The following BRINP1 variants were observed in gnomAD, a reference collection of about 807,000 sequenced individuals.
The protein encoded by BRINP1 is BMP/retinoic acid-inducible neural-specific protein 1.
A neutral mutation model predicts 72.9 loss-of-function variants in BRINP1; 17 were observed. The ratio of observed to expected loss-of-function variants is 0.23; its 90% confidence interval spans 0.16 to 0.35. The LOEUF is 0.35. Ranked by LOEUF, BRINP1 falls within the 10% of genes least tolerant of loss-of-function variation. The probability of loss-of-function intolerance (pLI) is 1.00; values close to 1 mark genes in which losing one functional copy is unlikely to be tolerated. For synonymous variants in BRINP1, 418 were observed against 378.5 expected, an observed-to-expected ratio of 1.10 and a Z score of -1.21; for missense variants, 850 against 1,001.6, an observed-to-expected ratio of 0.85 and a Z score of 2.04.
At chr9:119,359,524 C>T (rs1212772779) in intron 1 of BRINP1, among the ~76,000 whole-genome samples, 1 of 152,144 alleles carries the variant, frequency 6.6e-6, no homozygotes, top group Non-Finnish European at 1.5e-5. Flanking sequence ...TCTTACAGTA[C>T]TCATTTTACA....
At chr9:119,271,249 G>T (rs1830602238) in intron 2 of BRINP1, among the ~76,000 whole-genome samples, 1 of 151,816 alleles carries the variant, frequency 6.6e-6, no homozygotes, top group South Asian at 2.1e-4. Flanking sequence ...GATGAGTACA[G>T]GGGGAAACGA....
rs188563966 is a variant in BRINP1, at chr9:119,359,563, G to T, written c.-51+9493C>A. 2.8e-4 allele frequency among the ~76,000 whole-genome samples: 43 copies of T among 152,298 alleles called. No homozygotes were observed. The East Asian group carries it at 3.9e-3, about 14-fold the overall frequency. On this transcript the variant is annotated intron_variant, in intron 1 of 7. Coordinates refer to ENST00000265922, the MANE Select transcript of BRINP1 (RefSeq NM_014618.3). ...AAGAAAACTGGCACAGAAACATCAG[G>T]TAATGTGTTCCACATCAAATAGCTA...
chr9:119,267,934 A>C (rs1300828968), intron 2 of BRINP1, among the ~76,000 whole-genome samples: 7 of 152,156 alleles, frequency 4.6e-5, no homozygotes, highest in Non-Finnish European at 4.4e-5. Context: ...ACGAGAGAGA[A>C]ATTGAGTAAA....
intron 5 of BRINP1, among the ~76,000 whole-genome samples, chr9:119,233,456 T>A (rs920376516): frequency 5.3e-5 from 8 of 152,194 alleles, no homozygotes; most frequent in Non-Finnish European, 7.3e-5. Flanking sequence ...CTCTGGCATA[T>A]GAGGAAGCAC....
rs1831330871 is a variant in BRINP1 at position 119,334,629 on chromosome 9, C to A, written c.-50-21224G>T. On this transcript the variant is annotated intron_variant, in intron 1 of 7. Transcript: ENST00000265922. The stretch of plus-strand genomic sequence containing the variant: ...GGCAAGACTTGGGGCAACTGATATC[C>A]CTAAATCTCTGGAACTTGGTCTCTG... 2.0e-5 allele frequency among the ~76,000 whole-genome samples: 3 copies of A among 152,132 alleles called. No individual in the cohort carries two copies. In the South Asian group the frequency reaches 6.2e-4, roughly 31 times the overall value.
chr9:119,218,301 T>C (rs1588167756), intron 5 of BRINP1, among the ~76,000 whole-genome samples: 1 of 148,608 alleles, frequency 6.7e-6, no homozygotes, highest in South Asian at 2.2e-4. Context: ...GCCTCCCGGG[T>C]TCAAGCGATT....
At chr9:119,184,379 A>G (rs1829593362) in intron 7 of BRINP1, among the ~76,000 whole-genome samples, 2 of 152,264 alleles carry the variant, frequency 1.3e-5, no homozygotes, top group South Asian at 2.1e-4. Context: ...AAATAGAAAG[A>G]AAGTTCCGAA....
At chr9:119,290,728 G>C (rs1830812972) in intron 2 of BRINP1, among the ~76,000 whole-genome samples, 1 of 152,164 alleles carries the variant, frequency 6.6e-6, no homozygotes, top group African/African-American at 2.4e-5. Context: ...ATCTGGAAGA[G>C]AATCCCATAT....
chr9:119,220,726 T>C (rs999228239), intron 5 of BRINP1, among the ~76,000 whole-genome samples: 1 of 152,312 alleles, frequency 6.6e-6, no homozygotes, highest in Admixed American at 6.5e-5. Flanking sequence ...ATTTCAAGTA[T>C]TGAATAAGTC....
intron 2 of BRINP1, among the ~76,000 whole-genome samples, chr9:119,274,755 T>G (rs2118955213): frequency 6.6e-6 from 1 of 152,268 alleles, no homozygotes; most frequent in East Asian, 1.9e-4. Flanking sequence ...ACAGAGAAGT[T>G]AGTGACATTA....
chr9:119,309,815 ATG>A (rs1831042286), intron 2 of BRINP1, among the ~76,000 whole-genome samples: 2 of 152,122 alleles, frequency 1.3e-5, no homozygotes, highest in Non-Finnish European at 2.9e-5. Flanking sequence ...GGCGTGGGTT[ATG>A]TGGGGATAGG....
intron 2 of BRINP1, among the ~76,000 whole-genome samples, chr9:119,301,236 C>T (rs1564242733): frequency 2.0e-5 from 3 of 152,178 alleles, no homozygotes; most frequent in Non-Finnish European, 2.9e-5. Context: ...AGCACCATCA[C>T]CCACCCAGCT....
chr9:119,280,259 G>C (rs1005444089), intron 2 of BRINP1, among the ~76,000 whole-genome samples: 1 of 145,890 alleles, frequency 6.9e-6, no homozygotes, highest in Non-Finnish European at 1.5e-5. Context: ...TTTTTTTTAA[G>C]TTGGAGTCTC....
At chr9:119,313,025 A>C (rs542356348) in intron 2 of BRINP1, 113 bp downstream of exon 2, 21 of 1,239,298 alleles carry the variant, frequency 1.7e-5, no homozygotes, top group Non-Finnish European at 2.1e-5. Flanking sequence ...TGGAAGGAGC[A>C]CAGACCCTTG....
At chr9:119,181,167 T>G (rs1292751376) in intron 7 of BRINP1, among the ~76,000 whole-genome samples, 1 of 152,128 alleles carries the variant, frequency 6.6e-6, no homozygotes, top group Non-Finnish European at 1.5e-5. Context: ...AGCAGGACAC[T>G]CCCTGGTGGA....
intron 6 of BRINP1, among the ~76,000 whole-genome samples, chr9:119,209,834 G>A (rs1185852788): frequency 2.0e-5 from 3 of 152,166 alleles, no homozygotes; most frequent in Non-Finnish European, 4.4e-5. Flanking sequence ...AGGTTCCACA[G>A]AGAACTGAAA....
At chr9:119,359,480 G>A (rs1238591015) in intron 1 of BRINP1, among the ~76,000 whole-genome samples, 1 of 152,216 alleles carries the variant, frequency 6.6e-6, no homozygotes, top group African/African-American at 2.4e-5. Flanking sequence ...GGGATTGCAG[G>A]TGTGAGCCAC....
In BRINP1 at chr9:119,323,510, ACC is replaced by A. The variant is rs751020894; in HGVS notation, c.-50-10107_-50-10106del. Among the ~76,000 whole-genome samples, 3 of 152,214 alleles carry A rather than the reference ACC, an allele frequency of 2.0e-5. No homozygotes were observed. In the East Asian group the frequency reaches 5.8e-4, roughly 29 times the overall value. On this transcript the variant is annotated intron_variant, in intron 1 of 7. Transcript: ENST00000265922. ...AACTGGAATAATCTCCCTGCCATGT[ACC>A]AAGGGTCCAAAGGATAAGTGACAGG...
Position 119,167,957 on chromosome 9 carries a change from G to T in BRINP1, c.1413C>A (p.Ser471Arg), listed in dbSNP as rs772567497. 3 of 1,614,216 alleles carry T rather than the reference G, an allele frequency of 1.9e-6. No individual in the cohort carries two copies. Among genetic ancestry groups the T allele is most frequent in the Non-Finnish European group, 2.5e-6 (3 of 1,180,034 alleles). The change falls in exon 8 of 8, where the codon AGC (serine) becomes AGA (arginine). Residue 471 changes from serine (S) to arginine (R), a missense_variant. By Grantham distance (110) the Ser-to-Arg change is moderately radical. Coordinates refer to ENST00000265922, the MANE Select transcript of BRINP1 (RefSeq NM_014618.3). The surrounding 1 kb of genome is among the most constrained non-coding windows in gnomAD (Gnocchi z 4.3). ...CEPQNVDSERSEQFISFETDL... is the reference protein window; with the variant it reads ...CEPQNVDSERREQFISFETDL... ...CAGTCTCAAAGCTGATGAACTGCTCGCTCCGCTCCGAGTCCACGTTCTGTG... is the reference window on the plus strand; with the variant it reads ...CAGTCTCAAAGCTGATGAACTGCTCTCTCCGCTCCGAGTCCACGTTCTGTG...
Sources: allele counts gnomAD v4.1 joint callset (sites outside exome capture counted in the v4.1 genomes callset), GRCh38; gene constraint gnomAD v4.1.1; non-coding constraint Gnocchi (gnomAD v3.1); transcripts MANE v1.5; gene names NCBI Gene and HGNC (gene_info 2026-07-23, HGNC 2026-07-21).